The following SLC71A2 variants were observed in gnomAD, a reference collection of about 807,000 sequenced individuals.
SLC71A2 encodes the protein solute carrier family 71 member 2.
chr9:94,407,579 AT>A, the SLC71A2 span, among the ~76,000 whole-genome samples: 1 of 152,030 alleles, frequency 6.6e-6, no homozygotes, highest in African/African-American at 2.4e-5. Flanking sequence ...TGGTTTCACT[AT>A]GTTGGCCAGG....
chr9:94,429,207 T>C, the SLC71A2 span: 1 of 1,604,772 alleles, frequency 6.2e-7, no homozygotes, highest in East Asian at 2.2e-5. Flanking sequence ...TGAAACATTT[T>C]CTCAACACAC....
At chr9:94,450,844 A>G in the SLC71A2 span, among the ~76,000 whole-genome samples, 2 of 152,186 alleles carry the variant, frequency 1.3e-5, no homozygotes, top group Non-Finnish European at 2.9e-5. Flanking sequence ...AGTTGTAGAC[A>G]TTTCGGAGAT....
chr9:94,432,695 T>A, the SLC71A2 span: 2 of 300,804 alleles, frequency 6.6e-6, no homozygotes, highest in Non-Finnish European at 1.4e-5. Context: ...TGTAGTACTT[T>A]CCAGGACACA....
the SLC71A2 span, among the ~76,000 whole-genome samples, chr9:94,397,544 A>G: frequency 3.3e-5 from 5 of 152,114 alleles, no homozygotes; most frequent in South Asian, 2.1e-4. Context: ...TAAAGTCCAT[A>G]CATACTTTAC....
At chr9:94,387,168 G>A in the SLC71A2 span, among the ~76,000 whole-genome samples, 1 of 152,012 alleles carries the variant, frequency 6.6e-6, no homozygotes, top group African/African-American at 2.4e-5. Flanking sequence ...GTGGGAAGGG[G>A]CACTTCCTAG....
chr9:94,406,265 G>C, the SLC71A2 span, among the ~76,000 whole-genome samples: 28 of 151,910 alleles, frequency 1.8e-4, no homozygotes, highest in Non-Finnish European at 3.2e-4. Flanking sequence ...TTTTGAAACA[G>C]AGTTTCACTG....
the SLC71A2 span, among the ~76,000 whole-genome samples, chr9:94,452,293 G>C: frequency 1.1e-4 from 17 of 152,062 alleles, no homozygotes; most frequent in Admixed American, 2.6e-4. Context: ...ATGAATCAGA[G>C]CATTAAAACA....
the SLC71A2 span, among the ~76,000 whole-genome samples, chr9:94,408,830 T>TTTTGAGACGGA: frequency 7.3e-6 from 1 of 137,662 alleles, no homozygotes; most frequent in African/African-American, 2.8e-5. Flanking sequence ...TTTTTTTGTT[T>TTTTGAGACGGA]GTTTGTTTTT....
the SLC71A2 span, among the ~76,000 whole-genome samples, chr9:94,404,359 A>C: frequency 6.6e-6 from 1 of 151,868 alleles, no homozygotes; most frequent in African/African-American, 2.4e-5. Flanking sequence ...GCAGTGGTGC[A>C]ATCTTGGCTC....
the SLC71A2 span, among the ~76,000 whole-genome samples, chr9:94,382,897 G>A: frequency 5.3e-5 from 8 of 152,116 alleles, no homozygotes; most frequent in African/African-American, 1.7e-4. Flanking sequence ...GTTTCACCGC[G>A]CTAGCCAGGA....
the SLC71A2 span, among the ~76,000 whole-genome samples, chr9:94,439,343 A>C: frequency 6.7e-6 from 1 of 148,178 alleles, no homozygotes; most frequent in African/African-American, 2.5e-5. Context: ...AAATCGGGAG[A>C]GTATTTAGCA....
chr9:94,440,167 T>G, the SLC71A2 span, among the ~76,000 whole-genome samples: 2 of 152,004 alleles, frequency 1.3e-5, no homozygotes, highest in Non-Finnish European at 2.9e-5. Context: ...CTTATTTTTT[T>G]TTTTGAGACG....
chr9:94,377,530 T>A, the SLC71A2 span, among the ~76,000 whole-genome samples: 3,051 of 84,202 alleles, frequency 0.036, 112 homozygotes, highest in African/African-American at 0.13. Flanking sequence ...CCACCATGCC[T>A]GGCTTTTTTT....
the SLC71A2 span, chr9:94,415,209 C>T: frequency 1.2e-6 from 2 of 1,613,702 alleles, no homozygotes; most frequent in Non-Finnish European, 1.7e-6. Context: ...TGTCATCTTC[C>T]TTGAATTCTT....
At chr9:94,404,524 G>A in the SLC71A2 span, among the ~76,000 whole-genome samples, 1 of 152,086 alleles carries the variant, frequency 6.6e-6, no homozygotes, top group Non-Finnish European at 1.5e-5. Context: ...TCAAATTCCT[G>A]ATCTCAAGTG....
chr9:94,459,372 C>G, the SLC71A2 span: 1 of 1,614,010 alleles, frequency 6.2e-7, no homozygotes, highest in Non-Finnish European at 8.5e-7. Context: ...TGGGAGCTCT[C>G]TTCATTTGAG....
At chr9:94,448,684 G>A in the SLC71A2 span, among the ~76,000 whole-genome samples, 1 of 152,234 alleles carries the variant, frequency 6.6e-6, no homozygotes, top group African/African-American at 2.4e-5. Context: ...CCAGGCTGGA[G>A]TGCAATGGCG....
At chr9:94,417,409 C>T in the SLC71A2 span, among the ~76,000 whole-genome samples, 2 of 152,256 alleles carry the variant, frequency 1.3e-5, no homozygotes, top group African/African-American at 2.4e-5. Context: ...AGGTGGATCG[C>T]TTGAGGATGG....
the SLC71A2 span, chr9:94,445,308 A>C: frequency 1.4e-6 from 1 of 736,244 alleles, no homozygotes. Flanking sequence ...AAAATAGAAA[A>C]AATTAATTGC....
Sources: allele counts gnomAD v4.1 joint callset (sites outside exome capture counted in the v4.1 genomes callset), GRCh38; gene constraint gnomAD v4.1.1; transcripts MANE v1.5; gene names NCBI Gene and HGNC (gene_info 2026-07-23, HGNC 2026-07-21).